Variants in KLHDC10 observed in about 807,000 individuals in gnomAD.
KLHDC10 encodes the protein kelch domain containing 10, also known as kelch domain-containing protein 10.
KLHDC10 carries 24 observed loss-of-function variants against 56.1 expected under a neutral mutation model. The observed-to-expected ratio is 0.43, with a 90% CI of 0.31 to 0.60. The LOEUF is 0.60. KLHDC10 is among the 20% of genes least tolerant of loss of function. The pLI is 0.11. For missense variants in KLHDC10, 349 were observed against 567.0 expected, an observed-to-expected ratio of 0.62 and a Z score of 3.91; for synonymous variants, 188 against 207.1, an observed-to-expected ratio of 0.91 and a Z score of 0.79.
At chr7:130,108,275 G>A (rs1393564060) in intron 2 of KLHDC10, among the ~76,000 whole-genome samples, 7 of 151,736 alleles carry the variant, frequency 4.6e-5, no homozygotes, top group African/African-American at 1.7e-4. Flanking sequence ...AAAAAGACAA[G>A]AATAAATGGC....
chr7:130,117,724 G>A (rs1405378216), intron 3 of KLHDC10: 1 of 152,206 alleles, frequency 6.6e-6, no homozygotes, highest in East Asian at 1.9e-4. Context: ...GGTGTTGCAC[G>A]ACTGTATTCC....
intron 6 of KLHDC10, among the ~76,000 whole-genome samples, chr7:130,125,431 T>C (rs1796301504): frequency 6.6e-6 from 1 of 152,010 alleles, no homozygotes; most frequent in South Asian, 2.1e-4. Flanking sequence ...TAGTCTCAGC[T>C]ACACGGGAGG....
intron 1 of KLHDC10, among the ~76,000 whole-genome samples, chr7:130,071,574 G>C (rs1049873575): frequency 6.6e-6 from 1 of 152,140 alleles, no homozygotes; most frequent in Non-Finnish European, 1.5e-5. Flanking sequence ...ATAAAATCAA[G>C]TGGATATGTA....
chr7:130,091,773 C>G (rs991784968), intron 1 of KLHDC10, among the ~76,000 whole-genome samples: 3 of 152,012 alleles, frequency 2.0e-5, no homozygotes, highest in African/African-American at 7.2e-5. Flanking sequence ...AAAGGTTTTA[C>G]TGGTTTCTCT....
intron 1 of KLHDC10, among the ~76,000 whole-genome samples, chr7:130,095,398 TA>T (rs1163573300): frequency 6.6e-6 from 1 of 152,166 alleles, no homozygotes; most frequent in Non-Finnish European, 1.5e-5. Context: ...AGCAGGCCTT[TA>T]AATGGAACAT....
At chr7:130,073,236 C>A (rs547016793) in intron 1 of KLHDC10, among the ~76,000 whole-genome samples, 93 of 150,652 alleles carry the variant, frequency 6.2e-4, no homozygotes, top group East Asian at 2.0e-3. Context: ...ACAACAACAA[C>A]AAAAAACTAT....
chr7:130,096,311 G>A (rs1795846969), intron 1 of KLHDC10, among the ~76,000 whole-genome samples: 1 of 152,058 alleles, frequency 6.6e-6, no homozygotes, highest in Non-Finnish European at 1.5e-5. Flanking sequence ...TTTAATTGGG[G>A]TTAACATGGA....
chr7:130,091,575 C>T (rs1450225446), intron 1 of KLHDC10, among the ~76,000 whole-genome samples: 1 of 152,146 alleles, frequency 6.6e-6, no homozygotes, highest in Non-Finnish European at 1.5e-5. Flanking sequence ...TATATTTTTT[C>T]ATCAATATCT....
intron 6 of KLHDC10, 55 bp from the exon 7 acceptor site, chr7:130,125,810 C>T: frequency 1.5e-6 from 2 of 1,345,254 alleles, no homozygotes; most frequent in Non-Finnish European, 2.1e-6. Flanking sequence ...CTTTTTCAGG[C>T]TAGCTAAAAT....
At position 130,130,737 on chromosome 7, in the gene KLHDC10, C is replaced by T. The variant is rs1303925241; in HGVS notation, c.1320C>T (p.Arg440=). The change falls in exon 10 of 10, where the codon CGC becomes CGT. Residue 440 remains arginine, a synonymous_variant. Coordinates refer to ENST00000335420, the MANE Select transcript of KLHDC10 (RefSeq NM_014997.4). The surrounding 1 kb of genome is among the most constrained non-coding windows in gnomAD (Gnocchi z 4.2). ...HLGLTQGLIE[R]LK is the part of the protein sequence containing the mutation. Reference sequence around the variant, plus strand: ...GACTCACACAGGGACTCATCGAACGCTTGAAATGAGGATTTCTGGACTGTT... The same window carrying T: ...GACTCACACAGGGACTCATCGAACGTTTGAAATGAGGATTTCTGGACTGTT... 1 of 1,613,974 alleles carries T rather than the reference C, an allele frequency of 6.2e-7. No individual in the cohort carries two copies. The highest frequency in any genetic ancestry group is 2.2e-5 in the East Asian group (1 of 44,884).
In KLHDC10 at chr7:130,070,800, C is replaced by T; in HGVS notation, c.157C>T (p.His53Tyr). 7.7e-7 allele frequency: 1 copy of T among 1,306,332 alleles called. No homozygotes were observed. Among genetic ancestry groups the T allele is most frequent in the South Asian group, 2.8e-5 (1 of 35,556 alleles). The allele number at this position is 1,306,332 out of a possible 1,614,324, so 80.9% of individuals were successfully genotyped here. Residue 53 changes from histidine (H) to tyrosine (Y), a missense_variant, in exon 1 of 10, where the codon CAC becomes TAC. His to Tyr is a moderately conservative substitution (Grantham distance 83). Around this residue, in one of 2 missense-constraint regions of KLHDC10, gnomAD observed 104 missense variants for 97.0 expected, o/e 1.07. Coordinates refer to ENST00000335420, the MANE Select transcript of KLHDC10 (RefSeq NM_014997.4). The stretch of plus-strand genomic sequence containing the variant: ...CTTCGTGCAACTCTCCGGGCGGCCG[C>T]ACCTGCCAGGTGAGTCGTGGGACAG... ...NRFVQLSGRP[H>Y]LPGKKKIRWD...
chr7:130,127,478 T>C (rs747638388), intron 8 of KLHDC10, 27 bp downstream of exon 8: 1 of 1,513,768 alleles, frequency 6.6e-7, no homozygotes, highest in Non-Finnish European at 9.2e-7. Flanking sequence ...ACATTTTGCT[T>C]CCATTTCTGT....
At chr7:130,106,779 A>T (rs1490791826) in intron 2 of KLHDC10, among the ~76,000 whole-genome samples, 2 of 151,896 alleles carry the variant, frequency 1.3e-5, no homozygotes, top group Non-Finnish European at 2.9e-5. Context: ...AGAGTTGGAG[A>T]CCAGCCTGGG....
chr7:130,109,389 AT>A (rs1796069343), intron 2 of KLHDC10, among the ~76,000 whole-genome samples: 1 of 151,446 alleles, frequency 6.6e-6, no homozygotes, highest in Admixed American at 6.6e-5. Flanking sequence ...TGCCTGGCTA[AT>A]TTTTTTTGGC....
At chr7:130,100,477 G>T (rs1412017048) in intron 2 of KLHDC10, among the ~76,000 whole-genome samples, 1 of 152,172 alleles carries the variant, frequency 6.6e-6, no homozygotes, top group Non-Finnish European at 1.5e-5. Flanking sequence ...CATGTAGCAG[G>T]TATATCATAT....
intron 1 of KLHDC10, among the ~76,000 whole-genome samples, chr7:130,080,925 T>C (rs78542034): frequency 0.016 from 2,454 of 152,282 alleles, 67 homozygotes; most frequent in African/African-American, 0.055. Flanking sequence ...CTTTCTTGTT[T>C]ATAACCGGCT....
intron 2 of KLHDC10, among the ~76,000 whole-genome samples, chr7:130,115,705 A>T (rs1387718924): frequency 1.0e-5 from 1 of 97,682 alleles, no homozygotes; most frequent in Non-Finnish European, 1.9e-5. Context: ...ACAGAGTGAG[A>T]CTTGGTCTCA....
intron 2 of KLHDC10, among the ~76,000 whole-genome samples, chr7:130,106,180 C>T (rs973673336): frequency 6.6e-6 from 1 of 152,036 alleles, no homozygotes; most frequent in Non-Finnish European, 1.5e-5. Context: ...ATAATCTGTA[C>T]ATTTATATTT....
rs543157886 is a variant in KLHDC10 at position 130,120,258 on chromosome 7, ATAT to A, written c.476-484_476-482del. On this transcript the variant is annotated intron_variant, in intron 3 of 9. Coordinates refer to ENST00000335420, the MANE Select transcript of KLHDC10 (RefSeq NM_014997.4). The surrounding 1 kb of genome is among the most constrained non-coding windows in gnomAD (Gnocchi z 5.1). ...GGTAGACTGTAGTTCATGGAACTCA[ATAT>A]TATTATACACAGTATTTAGTGAATT... Among the ~76,000 whole-genome samples the A allele has an allele frequency of 7.4e-4, 112 of 152,308 alleles. No homozygotes were observed. The highest frequency in any genetic ancestry group is 1.2e-3 in the Non-Finnish European group (81 of 68,020).
Sources: gnomAD v4.1 joint callset for allele counts (sites outside exome capture counted in the v4.1 genomes callset) on GRCh38, gnomAD v4.1.1 for gene constraint, gnomAD v4.1.1 regional missense constraint, Gnocchi (gnomAD v3.1) non-coding constraint, MANE v1.5 for transcripts, NCBI Gene and HGNC (gene_info 2026-07-23, HGNC 2026-07-21) for gene names.